FYB1: variants seen among roughly 807,000 people sequenced by gnomAD.
The protein encoded by FYB1 is FYN binding protein 1.
In FYB1, 41 loss-of-function variants were observed where a neutral mutation model predicts 94.1. That is an observed-to-expected ratio of 0.44 (90% CI 0.34 to 0.57). FYB1 has a LOEUF of 0.57. Ranked by LOEUF, FYB1 falls within the 20% of genes least tolerant of loss-of-function variation. FYB1 has a pLI of 0.02. For missense variants in FYB1, 1,050 were observed against 976.8 expected (o/e 1.07, Z -1.00); for synonymous variants, 367 against 353.2 (o/e 1.04, Z -0.44).
In FYB1 at chr5:39,126,148, C is replaced by T. The variant is rs771331961; in HGVS notation, c.1908-13G>A. The T allele has an allele frequency of 3.0e-5, 48 of 1,611,946 alleles. No homozygotes were observed. Among genetic ancestry groups the T allele is most frequent in the Non-Finnish European group, 3.6e-5 (42 of 1,179,064 alleles). ...CTGTAGTGTGGAGCTTTGGAGCATG[C>T]AGGCATTGATCAGAATGTAATAATC... On this transcript the variant is annotated splice_polypyrimidine_tract_variant and intron_variant, in intron 11 of 18. Transcript: ENST00000512982.
At chr5:39,210,383 T>C (rs954705684) in intron 1 of FYB1, among the ~76,000 whole-genome samples, 1 of 152,364 alleles carries the variant, frequency 6.6e-6, no homozygotes, top group East Asian at 1.9e-4. Context: ...CGAGCACTGA[T>C]GATCCGGATC....
rs1738621757 is a variant in FYB1, at chr5:39,107,291, T to G, written c.*152A>C. The G allele has an allele frequency of 4.3e-6, 2 of 468,666 alleles. No homozygotes were observed. The highest frequency in any genetic ancestry group is 1.0e-4 in the South Asian group (2 of 19,514). The allele number at this position is 468,666 out of a possible 1,614,324, so 29.0% of individuals were successfully genotyped here. A position where few individuals can be genotyped will look rare whatever the true frequency, so the allele number is the denominator to read the frequency against. On this transcript the variant is annotated 3_prime_UTR_variant, in exon 19 of 19. Transcript: ENST00000512982. ...AGAGATTATTTTCTATGTTCAAACT[T>G]TAAACACTTTGTAAAGATAATTGGG...
chr5:39,219,826 GA>G (rs1375108133), upstream of FYB1, among the ~76,000 whole-genome samples: 1 of 152,212 alleles, frequency 6.6e-6, no homozygotes, highest in Non-Finnish European at 1.5e-5. Context: ...TCAAGAGGAA[GA>G]AGCTGTAAGT....
intron 2 of FYB1, among the ~76,000 whole-genome samples, chr5:39,158,280 G>T (rs10052597): frequency 0.012 from 1,874 of 152,350 alleles, 38 homozygotes; most frequent in African/African-American, 0.043. Flanking sequence ...TGCTGGAATG[G>T]GCGGAGCACC....
chr5:39,173,420 G>A (rs1046736975), intron 2 of FYB1, among the ~76,000 whole-genome samples: 7 of 152,188 alleles, frequency 4.6e-5, no homozygotes, highest in East Asian at 1.9e-4. Context: ...TTCCTTTGCT[G>A]TGCAGAGGCT....
intron 2 of FYB1, among the ~76,000 whole-genome samples, chr5:39,157,938 A>T (rs1431248798): frequency 6.6e-6 from 1 of 152,172 alleles, no homozygotes; most frequent in Non-Finnish European, 1.5e-5. Flanking sequence ...CAGACTGAGG[A>T]ACTGTGCTCT....
At chr5:39,220,823 T>C (rs1246103900), upstream of FYB1, among the ~76,000 whole-genome samples, 3 of 152,248 alleles carry the variant, frequency 2.0e-5, no homozygotes, top group Non-Finnish European at 1.5e-5. Flanking sequence ...AAATCTGGCC[T>C]GTGGAATGTT....
At chr5:39,115,519 T>A (rs2150268619) in intron 16 of FYB1, among the ~76,000 whole-genome samples, 1 of 152,314 alleles carries the variant, frequency 6.6e-6, no homozygotes, top group East Asian at 1.9e-4. Context: ...TGTGCTCGCC[T>A]AAATACTATA....
intron 12 of FYB1, among the ~76,000 whole-genome samples, chr5:39,125,268 G>GA (rs1173099036): frequency 6.6e-6 from 1 of 152,060 alleles, no homozygotes; most frequent in Non-Finnish European, 1.5e-5. Flanking sequence ...TAAATGTGGT[G>GA]AATTCATGAG....
At chr5:39,136,469 T>A (rs1025760909) in intron 7 of FYB1, among the ~76,000 whole-genome samples, 1 of 152,218 alleles carries the variant, frequency 6.6e-6, no homozygotes, top group Non-Finnish European at 1.5e-5. Flanking sequence ...GTTCTAATAT[T>A]AATACGGTAA....
intron 1 of FYB1, among the ~76,000 whole-genome samples, chr5:39,271,170 A>G (rs997939771): frequency 6.6e-6 from 1 of 152,150 alleles, no homozygotes; most frequent in Admixed American, 6.5e-5. Flanking sequence ...ATTATATTTA[A>G]ATTCATATTA....
chr5:39,222,875 T>C (rs1750327621), upstream of FYB1, among the ~76,000 whole-genome samples: 1 of 152,172 alleles, frequency 6.6e-6, no homozygotes, highest in Non-Finnish European at 1.5e-5. Context: ...TAATTACATT[T>C]GATTCTCCCC....
chr5:39,169,981 T>A, intron 2 of FYB1: 1 of 702,020 alleles, frequency 1.4e-6, no homozygotes, highest in Non-Finnish European at 2.6e-6. Flanking sequence ...AGGTTCTGAC[T>A]TTCTTGTTCA....
intron 2 of FYB1, among the ~76,000 whole-genome samples, chr5:39,168,057 TTA>T (rs1177435981): frequency 4.6e-5 from 7 of 152,202 alleles, no homozygotes; most frequent in Non-Finnish European, 8.8e-5. Flanking sequence ...TGAAAAAAAA[TTA>T]GTCAAACTAG....
chr5:39,258,760 G>C (rs906798501), intron 1 of FYB1, among the ~76,000 whole-genome samples: 1 of 152,074 alleles, frequency 6.6e-6, no homozygotes, highest in Non-Finnish European at 1.5e-5. Context: ...GTCAGTGATA[G>C]ATTAAATATA....
chr5:39,252,433 A>T (rs1362810), intron 1 of FYB1, among the ~76,000 whole-genome samples: 49,029 of 152,118 alleles, frequency 0.32, 9,621 homozygotes, highest in African/African-American at 0.56. Flanking sequence ...GGAATTTTTT[A>T]AAATTTTCTT....
rs570847531 is a variant in FYB1 at position 39,137,997 on chromosome 5, T to G, written c.1395-277A>C. 9.5e-6 allele frequency: 4 copies of G among 421,030 alleles called. No homozygotes were observed. The Admixed American group carries it at 1.7e-4, about 18-fold the overall frequency. 26.1% of individuals were successfully genotyped at this position (421,030 alleles called of 1,614,324 possible). On this transcript the variant is annotated intron_variant, in intron 6 of 18. Coordinates refer to ENST00000512982, the MANE Select transcript of FYB1 (RefSeq NM_001465.6). ...TTATAGAGGCCCCATTCTTGCTGTA[T>G]GTTCGCATAAATAGAATCCATCTCT...
At chr5:39,195,782 C>A (rs1188192727) in intron 2 of FYB1, among the ~76,000 whole-genome samples, 1 of 152,128 alleles carries the variant, frequency 6.6e-6, no homozygotes. Context: ...TCTTATGAAC[C>A]CAAACTTTGG....
chr5:39,162,709 C>T (rs563464091), intron 2 of FYB1, among the ~76,000 whole-genome samples: 177 of 113,940 alleles, frequency 1.6e-3, no homozygotes, highest in African/African-American at 4.2e-3. Context: ...TAAGTAATGC[C>T]GTTTAGTGAT....
Sources: gnomAD v4.1 joint callset for allele counts (sites outside exome capture counted in the v4.1 genomes callset) on GRCh38, gnomAD v4.1.1 for gene constraint, MANE v1.5 for transcripts, NCBI Gene and HGNC (gene_info 2026-07-23, HGNC 2026-07-21) for gene names.